Variants in UGT1A8 observed in about 807,000 individuals in gnomAD.
The protein encoded by UGT1A8 is UDP glucuronosyltransferase family 1 member A8, also known as UDP-glucuronosyltransferase 1A8.
Under a neutral mutation model 45.3 loss-of-function variants are expected in UGT1A8, and 39 were observed. That is an observed-to-expected ratio of 0.86 (90% CI 0.67 to 1.12). The LOEUF is 1.12. Ranked by LOEUF, UGT1A8 falls within the 50% of genes most tolerant of loss-of-function variation. The pLI is 0.00. For missense variants in UGT1A8, 719 were observed against 664.9 expected, an observed-to-expected ratio of 1.08 and a Z score of -0.90; for synonymous variants, 275 against 249.2, an observed-to-expected ratio of 1.10 and a Z score of -0.97.
At chr2:233,671,084 T>G (rs186479114) in intron 1 of UGT1A8, among the ~76,000 whole-genome samples, 4 of 152,308 alleles carry the variant, frequency 2.6e-5, no homozygotes, top group African/African-American at 9.6e-5. Flanking sequence ...AACACAAAGT[T>G]GACATCACCT....
intron 1 of UGT1A8, among the ~76,000 whole-genome samples, chr2:233,679,610 T>C (rs2074457412): frequency 6.6e-6 from 1 of 152,222 alleles, no homozygotes; most frequent in South Asian, 2.1e-4. Flanking sequence ...ATTAAAACCC[T>C]GTTCAGGCAG....
intron 1 of UGT1A8, among the ~76,000 whole-genome samples, chr2:233,640,092 C>A (rs577175095): frequency 1.3e-5 from 2 of 152,288 alleles, no homozygotes; most frequent in South Asian, 4.1e-4. Flanking sequence ...TTCCCCATTG[C>A]TCTAAGATTC....
rs1700546112 is a variant in UGT1A8 at position 233,772,763 on chromosome 2, C to T, written c.*204C>T. ...TAAAGATATTTGAATATGTATCGTGCCCCCTCTGGTGTCTTTGATCAGGAT... is the reference window on the plus strand; with the variant it reads ...TAAAGATATTTGAATATGTATCGTGTCCCCTCTGGTGTCTTTGATCAGGAT... On this transcript the variant is annotated 3_prime_UTR_variant, in exon 5 of 5. Transcript: ENST00000373450. 1 of 1,384,392 alleles carries T rather than the reference C, an allele frequency of 7.2e-7. No individual in the cohort carries two copies. Among genetic ancestry groups the T allele is most frequent in the South Asian group, 1.5e-5 (1 of 65,502 alleles). The allele number at this position is 1,384,392 out of a possible 1,614,324, so 85.8% of individuals were successfully genotyped here. A position where few individuals can be genotyped will look rare whatever the true frequency, so the allele number is the denominator to read the frequency against.
chr2:233,648,702 G>A (rs2073665638), intron 1 of UGT1A8: 2 of 402,054 alleles, frequency 5.0e-6, no homozygotes, highest in Non-Finnish European at 9.4e-6. Flanking sequence ...CTAACCTCGT[G>A]ATCCGCCCGC....
chr2:233,627,439 AC>A (rs1477260291), intron 1 of UGT1A8, among the ~76,000 whole-genome samples: 1 of 152,040 alleles, frequency 6.6e-6, no homozygotes, highest in Non-Finnish European at 1.5e-5. Flanking sequence ...TCATATAATG[AC>A]TTTGCATTTT....
intron 1 of UGT1A8, chr2:233,754,796 A>T (rs1379144475): frequency 8.1e-7 from 1 of 1,232,848 alleles, no homozygotes; most frequent in African/African-American, 1.5e-5. Context: ...GAAATCCTGT[A>T]TCAAAAGAAG....
intron 1 of UGT1A8, chr2:233,761,124 C>T: frequency 1.9e-6 from 3 of 1,614,202 alleles, no homozygotes; most frequent in Non-Finnish European, 2.5e-6. Context: ...GTGGAATCAA[C>T]TGCCTTCACC....
intron 1 of UGT1A8, among the ~76,000 whole-genome samples, chr2:233,668,324 C>T (rs144844686): frequency 0.018 from 2,756 of 152,116 alleles, 37 homozygotes; most frequent in South Asian, 0.028. Flanking sequence ...TCCGTCCTTG[C>T]GATAGTTTGC....
intron 1 of UGT1A8, among the ~76,000 whole-genome samples, chr2:233,641,417 C>T (rs895613795): frequency 4.6e-5 from 7 of 152,152 alleles, no homozygotes; most frequent in African/African-American, 1.7e-4. Context: ...TTGCTCCCTA[C>T]TTTTTAACTC....
chr2:233,669,644 G>A (rs758766345), intron 1 of UGT1A8, among the ~76,000 whole-genome samples: 1 of 152,056 alleles, frequency 6.6e-6, no homozygotes, highest in East Asian at 1.9e-4. Context: ...ACCAACCCCC[G>A]AGCAGTAAAA....
At chr2:233,721,606 C>T (rs1043491978) in intron 1 of UGT1A8, 10 of 177,852 alleles carry the variant, frequency 5.6e-5, no homozygotes, top group Middle Eastern at 2.3e-3. Flanking sequence ...GGTTTAGGAA[C>T]AATTTGTTCC....
At chr2:233,710,728 A>G (rs1187864039) in intron 1 of UGT1A8, among the ~76,000 whole-genome samples, 1 of 152,210 alleles carries the variant, frequency 6.6e-6, no homozygotes, top group African/African-American at 2.4e-5. Flanking sequence ...TTAAAAAACA[A>G]CGTCTTTCAA....
intron 1 of UGT1A8, among the ~76,000 whole-genome samples, chr2:233,670,275 T>C (rs2074156021): frequency 6.6e-6 from 1 of 152,202 alleles, no homozygotes; most frequent in Non-Finnish European, 1.5e-5. Flanking sequence ...TTGGTTTTGC[T>C]GTTTCAGGGG....
intron 1 of UGT1A8, among the ~76,000 whole-genome samples, chr2:233,724,137 G>A (rs1240134584): frequency 1.9e-4 from 22 of 114,476 alleles, no homozygotes; most frequent in Non-Finnish European, 2.5e-4. Context: ...CCTCCCGGAC[G>A]GGGCGGCTGG....
chr2:233,682,693 G>T, intron 1 of UGT1A8: 2 of 1,613,776 alleles, frequency 1.2e-6, no homozygotes, highest in Non-Finnish European at 1.7e-6. Flanking sequence ...CAATTTGGTT[G>T]TTGCGAACTG....
intron 1 of UGT1A8, chr2:233,648,359 A>G (rs1175543707): frequency 7.4e-6 from 3 of 403,552 alleles, no homozygotes; most frequent in Non-Finnish European, 1.4e-5. Flanking sequence ...CTTTGACATT[A>G]CCTTGAAGAA....
chr2:233,693,272 C>T lies in UGT1A8; in HGVS notation c.856-73762C>T, dbSNP rs770139285. ...GTATGACCAAGAAGAGCTGAAGAAC[C>T]GTTACCAATCATTTGGAAACAATCA... On this transcript the variant is annotated intron_variant, in intron 1 of 4. Transcript: ENST00000373450. The T allele has an allele frequency of 1.1e-4, 170 of 1,614,052 alleles. No individual in the cohort carries two copies. The South Asian group carries it at 1.7e-3, about 16-fold the overall frequency.
intron 1 of UGT1A8, chr2:233,747,241 C>CTG: frequency 6.2e-7 from 1 of 1,603,058 alleles, no homozygotes; most frequent in South Asian, 1.1e-5. Context: ...GGTTCCCCTG[C>CTG]TGTGGCTGGC....
intron 1 of UGT1A8, chr2:233,717,940 C>T: frequency 2.2e-6 from 1 of 453,716 alleles, no homozygotes; most frequent in Non-Finnish European, 4.4e-6. Context: ...AGTCTCTATG[C>T]AGACTTGCAG....
Sources: gnomAD v4.1 joint callset for allele counts (sites outside exome capture counted in the v4.1 genomes callset) on GRCh38, gnomAD v4.1.1 for gene constraint, MANE v1.5 for transcripts, NCBI Gene and HGNC (gene_info 2026-07-23, HGNC 2026-07-21) for gene names.